The following CCDC85C variants were observed in gnomAD, a reference collection of about 807,000 sequenced individuals.
CCDC85C encodes coiled-coil domain-containing protein 85C.
A neutral mutation model predicts 38.3 loss-of-function variants in CCDC85C; 18 were observed. The observed-to-expected ratio is 0.47, with a 90% CI of 0.33 to 0.70. The LOEUF (loss-of-function observed/expected upper bound fraction) is 0.70, where lower values mean the gene tolerates loss of function less well. CCDC85C is among the 30% of genes least tolerant of loss of function. The pLI is 0.03. For missense variants in CCDC85C, 566 were observed against 621.2 expected (o/e 0.91, Z 0.94); for synonymous variants, 264 against 293.8 (o/e 0.90, Z 1.04).
rs4905841 is a variant in CCDC85C, at chr14:99,511,059, C to A, written c.*4187G>T. ...GAGTCCTGCACTGGGTTACTTTATACTAGTGAGGACGTTAACCAGCCATAT... is the reference window on the plus strand; with the variant it reads ...GAGTCCTGCACTGGGTTACTTTATAATAGTGAGGACGTTAACCAGCCATAT... On this transcript the variant is annotated 3_prime_UTR_variant, in exon 6 of 6. Transcript: ENST00000380243. 1 of 294,996 alleles carries A rather than the reference C, an allele frequency of 3.4e-6. No individual in the cohort carries two copies. The allele number at this position is 294,996 out of a possible 1,614,324, so 18.3% of individuals were successfully genotyped here. A position where few individuals can be genotyped will look rare whatever the true frequency, so the allele number is the denominator to read the frequency against.
At chr14:99,522,080 GAGCC>G in intron 3 of CCDC85C, 49 bp downstream of exon 3, 1 of 1,420,718 alleles carries the variant, frequency 7.0e-7, no homozygotes, top group Non-Finnish European at 9.7e-7. Flanking sequence ...TGGCCCGCCT[GAGCC>G]TCAGCCCCTC....
chr14:99,532,981 T>C (rs1357080668), intron 2 of CCDC85C, among the ~76,000 whole-genome samples: 3 of 152,110 alleles, frequency 2.0e-5, no homozygotes, highest in African/African-American at 4.8e-5. Context: ...GAGGTTTTGC[T>C]GTGTTGCCCA....
At chr14:99,567,513 A>T (rs1898240255) in intron 1 of CCDC85C, among the ~76,000 whole-genome samples, 1 of 152,186 alleles carries the variant, frequency 6.6e-6, no homozygotes, top group South Asian at 2.1e-4. Context: ...AAGGTGCGGC[A>T]GATAAAACTA....
Position 99,502,950 on chromosome 14 carries a change from A to G in CCDC85C, c.*12296T>C. The G allele has an allele frequency of 6.2e-7, 1 of 1,613,940 alleles. No homozygotes were observed. The highest frequency in any genetic ancestry group is 8.5e-7 in the Non-Finnish European group (1 of 1,179,880). Reference sequence around the variant, plus strand: ...CAACAGCCCAAGAAACCCTCTCCGCAGCCCAGTTCTCCCCGACAGGTTAAG... The same window carrying G: ...CAACAGCCCAAGAAACCCTCTCCGCGGCCCAGTTCTCCCCGACAGGTTAAG... On this transcript the variant is annotated 3_prime_UTR_variant, in exon 6 of 6. Coordinates refer to ENST00000380243, the MANE Select transcript of CCDC85C (RefSeq NM_001144995.2).
chr14:99,534,433 A>G (rs1897552945), intron 2 of CCDC85C, among the ~76,000 whole-genome samples: 1 of 152,062 alleles, frequency 6.6e-6, no homozygotes, highest in African/African-American at 2.4e-5. Flanking sequence ...CCACTTCTCC[A>G]CAGGAACAAT....
intron 1 of CCDC85C, among the ~76,000 whole-genome samples, chr14:99,593,651 G>A (rs1417689575): frequency 2.0e-5 from 3 of 152,242 alleles, no homozygotes; most frequent in African/African-American, 7.2e-5. Flanking sequence ...CACTGCTAAC[G>A]TGAACTGACA....
At chr14:99,565,569 G>C (rs1898199796) in intron 1 of CCDC85C, among the ~76,000 whole-genome samples, 1 of 152,196 alleles carries the variant, frequency 6.6e-6, no homozygotes, top group African/African-American at 2.4e-5. Flanking sequence ...TGAACCCAGG[G>C]GCAGAGTGTG....
chr14:99,552,764 G>A (rs1048751777), intron 1 of CCDC85C, among the ~76,000 whole-genome samples: 58 of 152,348 alleles, frequency 3.8e-4, no homozygotes, highest in African/African-American at 1.4e-3. Flanking sequence ...TGGAATCATC[G>A]CCCTTTGGAC....
At chr14:99,542,942 G>A (rs1170873496) in intron 1 of CCDC85C, among the ~76,000 whole-genome samples, 3 of 152,166 alleles carry the variant, frequency 2.0e-5, no homozygotes, top group African/African-American at 4.8e-5. Context: ...CCATCTTCTC[G>A]AGGGACTTGG....
chr14:99,534,918 G>A, intron 2 of CCDC85C: 2 of 566,180 alleles, frequency 3.5e-6, no homozygotes, highest in South Asian at 2.0e-5. Flanking sequence ...GGTGGGGAGT[G>A]GGGGGCGGGG....
At chr14:99,567,951 G>A (rs111919857) in intron 1 of CCDC85C, among the ~76,000 whole-genome samples, 5 of 152,200 alleles carry the variant, frequency 3.3e-5, no homozygotes, top group African/African-American at 9.7e-5. Context: ...CACTCTTTTC[G>A]ACAGCTGCGG....
chr14:99,601,682 A>C (rs1461088142), intron 1 of CCDC85C, among the ~76,000 whole-genome samples: 4 of 152,134 alleles, frequency 2.6e-5, no homozygotes, highest in Non-Finnish European at 4.4e-5. Context: ...AGCCCCAGCA[A>C]ATTAAACCAC....
rs1280559588 is a variant in CCDC85C, at chr14:99,604,149, TGAC to T, written c.-193_-191del. 2.5e-6 allele frequency: 1 copy of T among 397,354 alleles called. No individual in the cohort carries two copies. The highest frequency in any genetic ancestry group is 6.6e-5 in the Admixed American group (1 of 15,126). The allele number at this position is 397,354 out of a possible 1,614,324, so 24.6% of individuals were successfully genotyped here. The stretch of plus-strand genomic sequence containing the variant: ...CCCGGGAGCCCGCGCGCCTCGGGGT[TGAC>T]GAGCGGAGGCGGCTGCTGCGTCGGC... On this transcript the variant is annotated 5_prime_UTR_variant, in exon 1 of 6. Coordinates refer to ENST00000380243, the MANE Select transcript of CCDC85C (RefSeq NM_001144995.2).
At chr14:99,593,508 G>A (rs574033113) in intron 1 of CCDC85C, among the ~76,000 whole-genome samples, 83 of 152,380 alleles carry the variant, frequency 5.4e-4, no homozygotes, top group African/African-American at 1.9e-3. Context: ...TCCTGGGGCA[G>A]GGAGGTAGGG....
Position 99,507,356 on chromosome 14 carries a change from C to T in CCDC85C, c.*7890G>A, listed in dbSNP as rs901852242. The T allele has an allele frequency of 2.3e-5, 13 of 560,870 alleles. 1 individual carries two copies. In the African/African-American group the frequency reaches 2.5e-4, roughly 11 times the overall value. The allele number at this position is 560,870 out of a possible 1,614,324, so 34.7% of individuals were successfully genotyped here. On this transcript the variant is annotated 3_prime_UTR_variant, in exon 6 of 6. Transcript: ENST00000380243. ...CTTTGGGAGGCGGAGGCAGGAGAAT[C>T]ACCTGACCCCAGGAGTTCGAGGTCA...
chr14:99,590,941 G>T (rs548235849), intron 1 of CCDC85C, among the ~76,000 whole-genome samples: 1 of 152,196 alleles, frequency 6.6e-6, no homozygotes, highest in Non-Finnish European at 1.5e-5. Context: ...GGCCTTATCC[G>T]CCAGGGACGG....
rs867587499 is a variant in CCDC85C at position 99,508,563 on chromosome 14, G to T, written c.*6683C>A. 2 of 152,492 alleles carry T rather than the reference G, an allele frequency of 1.3e-5. No homozygotes were observed. The allele number at this position is 152,492 out of a possible 1,614,324, so 9.4% of individuals were successfully genotyped here. A position where few individuals can be genotyped will look rare whatever the true frequency, so the allele number is the denominator to read the frequency against. On this transcript the variant is annotated 3_prime_UTR_variant, in exon 6 of 6. Transcript: ENST00000380243. ...CTGGGAGGCGCAGTAAAGCTGGGCC[G>T]TGAGGAAGGGAGGGAAGTACGCTTC...
rs1278798205 is a variant in CCDC85C at position 99,603,167 on chromosome 14, C to T, written c.793G>A (p.Asp265Asn). 2 of 1,377,406 alleles carry T rather than the reference C, an allele frequency of 1.5e-6. No homozygotes were observed. Among genetic ancestry groups the T allele is most frequent in the Non-Finnish European group, 1.9e-6 (2 of 1,068,030 alleles). 85.3% of individuals were successfully genotyped at this position (1,377,406 alleles called of 1,614,324 possible). Residue 265 changes from aspartate to asparagine, a missense_variant and splice_region_variant, in exon 1 of 6, where the codon GAT becomes AAT. Physicochemically the swap from Asp to Asn is conservative, Grantham distance 23. Coordinates refer to ENST00000380243, the MANE Select transcript of CCDC85C (RefSeq NM_001144995.2). This position sits in a 1 kb window ranked among gnomAD's most constrained non-coding sequence, Gnocchi z 7.5. Reference protein sequence around the residue: ...HHRSIPNGLHDPSSTYIRQLE... With the variant: ...HHRSIPNGLHNPSSTYIRQLE... ...GCTGCCCGGCCCGTGTAGTCCTTAC[C>T]GTGCAGGCCGTTGGGGATGCTGCGG...
chr14:99,565,423 C>T (rs112019880), intron 1 of CCDC85C, among the ~76,000 whole-genome samples: 24 of 152,338 alleles, frequency 1.6e-4, no homozygotes, highest in African/African-American at 5.3e-4. Context: ...GCCTTCAATC[C>T]CTCCCATAAA....
Sources: gnomAD v4.1 joint callset for allele counts (sites outside exome capture counted in the v4.1 genomes callset) on GRCh38, gnomAD v4.1.1 for gene constraint, Gnocchi (gnomAD v3.1) non-coding constraint, MANE v1.5 for transcripts, NCBI Gene and HGNC (gene_info 2026-07-23, HGNC 2026-07-21) for gene names.